The following CDH18 variants were observed in gnomAD, a reference collection of about 807,000 sequenced individuals.
CDH18 encodes the protein cadherin 18.
CDH18 carries 31 observed loss-of-function variants against 67.9 expected under a neutral mutation model. That is an observed-to-expected ratio of 0.46 (90% CI 0.34 to 0.62). The LOEUF (loss-of-function observed/expected upper bound fraction) is 0.62. Ranked by LOEUF, CDH18 falls within the 20% of genes least tolerant of loss-of-function variation. The pLI is 0.01. For missense variants in CDH18, 890 were observed against 975.5 expected, an observed-to-expected ratio of 0.91 and a Z score of 1.17; for synonymous variants, 362 against 347.2, an observed-to-expected ratio of 1.04 and a Z score of -0.48.
At chr5:19,776,485 A>C (rs1252660044) in intron 3 of CDH18, among the ~76,000 whole-genome samples, 2 of 152,186 alleles carry the variant, frequency 1.3e-5, no homozygotes, top group Non-Finnish European at 2.9e-5. Flanking sequence ...GATGGAAAGA[A>C]AGAGGGATGA....
intron 2 of CDH18, among the ~76,000 whole-genome samples, chr5:19,890,401 G>T (rs1186111146): frequency 3.9e-5 from 6 of 151,974 alleles, no homozygotes; most frequent in Admixed American, 3.3e-4. Flanking sequence ...GAGGTTCTGA[G>T]GATTAGGATG....
intron 1 of CDH18, among the ~76,000 whole-genome samples, chr5:20,567,218 C>T (rs993152621): frequency 1.3e-5 from 2 of 152,170 alleles, no homozygotes; most frequent in African/African-American, 4.8e-5. Context: ...GCCACCATCC[C>T]TAGGGCTGGG....
intron 2 of CDH18, among the ~76,000 whole-genome samples, chr5:19,969,636 T>C (rs962465234): frequency 5.8e-4 from 86 of 148,414 alleles, no homozygotes; most frequent in African/African-American, 2.0e-3. Context: ...TAGGTGGGAA[T>C]TGAACAATGA....
chr5:20,452,112 T>C (rs72746820), intron 1 of CDH18, among the ~76,000 whole-genome samples: 1,632 of 152,248 alleles, frequency 0.011, 17 homozygotes, highest in Non-Finnish European at 0.017. Context: ...TCATTTGAAA[T>C]CATTGGGGAG....
At chr5:20,290,041 G>A (rs2974592) in intron 1 of CDH18, among the ~76,000 whole-genome samples, 17,767 of 152,118 alleles carry the variant, frequency 0.12, 1,582 homozygotes, top group African/African-American at 0.24. Flanking sequence ...CACTTTAGAT[G>A]TGCTTCCTGA....
intron 7 of CDH18, among the ~76,000 whole-genome samples, chr5:19,586,152 T>C (rs1361877400): frequency 1.3e-5 from 2 of 152,182 alleles, no homozygotes; most frequent in Non-Finnish European, 2.9e-5. Flanking sequence ...CAAATATTAG[T>C]TGCTGCTACT....
chr5:19,767,981 T>G (rs1177288183), intron 3 of CDH18, among the ~76,000 whole-genome samples: 3 of 152,166 alleles, frequency 2.0e-5, no homozygotes, highest in African/African-American at 7.2e-5. Context: ...ATTTGCTCTA[T>G]TCCCCTCCCT....
chr5:20,547,607 A>G (rs976003453), intron 1 of CDH18, among the ~76,000 whole-genome samples: 1 of 152,100 alleles, frequency 6.6e-6, no homozygotes, highest in East Asian at 1.9e-4. Flanking sequence ...TTCACTGTCA[A>G]CTATGAAACT....
At chr5:19,570,862 A>G (rs1424978026) in intron 8 of CDH18, among the ~76,000 whole-genome samples, 1 of 152,160 alleles carries the variant, frequency 6.6e-6, no homozygotes, top group Non-Finnish European at 1.5e-5. Context: ...TCCTATCAAC[A>G]TATTTATGTA....
chr5:20,009,114 T>C (rs918073619), intron 2 of CDH18, among the ~76,000 whole-genome samples: 9 of 152,028 alleles, frequency 5.9e-5, no homozygotes, highest in African/African-American at 2.2e-4. Context: ...TAGAATGAAA[T>C]TTCTGGGTAT....
intron 2 of CDH18, among the ~76,000 whole-genome samples, chr5:19,845,310 T>C (rs1006947048): frequency 6.6e-5 from 10 of 152,184 alleles, no homozygotes; most frequent in Non-Finnish European, 1.5e-4. Flanking sequence ...TTTCTACATA[T>C]TTACAAATGT....
intron 5 of CDH18, among the ~76,000 whole-genome samples, chr5:19,707,371 T>C (rs1764103551): frequency 6.6e-6 from 1 of 152,188 alleles, no homozygotes; most frequent in African/African-American, 2.4e-5. Context: ...CACCATTGCC[T>C]AGAGTATTCC....
intron 2 of CDH18, among the ~76,000 whole-genome samples, chr5:20,007,854 C>T (rs1737050096): frequency 6.6e-6 from 1 of 151,862 alleles, no homozygotes; most frequent in Non-Finnish European, 1.5e-5. Context: ...TTTCAGTGTC[C>T]ATAAATAAAG....
intron 3 of CDH18, among the ~76,000 whole-genome samples, chr5:19,755,209 A>T (rs1007991281): frequency 2.0e-5 from 3 of 151,002 alleles, no homozygotes; most frequent in East Asian, 1.9e-4. Context: ...TACAAAAAAT[A>T]AAAAAATAAA....
chr5:19,983,803 G>A (rs1156256925), intron 1 of CDH18, among the ~76,000 whole-genome samples: 1 of 152,188 alleles, frequency 6.6e-6, no homozygotes, highest in African/African-American at 2.4e-5. Context: ...AGCAGTGATA[G>A]AGGTTCTTAA....
At chr5:20,213,541 A>C (rs1740522031) in intron 2 of CDH18, among the ~76,000 whole-genome samples, 1 of 151,942 alleles carries the variant, frequency 6.6e-6, no homozygotes, top group Non-Finnish European at 1.5e-5. Flanking sequence ...ACTATTACTG[A>C]TTCAATTTCA....
At chr5:20,263,856 T>G (rs776040095) in intron 1 of CDH18, among the ~76,000 whole-genome samples, 52 of 152,210 alleles carry the variant, frequency 3.4e-4, no homozygotes, top group Non-Finnish European at 6.0e-4. Flanking sequence ...GTTAGATTTT[T>G]TTAAGGTGTG....
At chr5:19,863,491 T>G (rs1392400792) in intron 2 of CDH18, among the ~76,000 whole-genome samples, 1 of 152,132 alleles carries the variant, frequency 6.6e-6, no homozygotes, top group African/African-American at 2.4e-5. Context: ...TCATTAAGCC[T>G]CCTGTCAAAT....
At chr5:20,016,167 T>C (rs1374439615) in intron 2 of CDH18, among the ~76,000 whole-genome samples, 5 of 152,096 alleles carry the variant, frequency 3.3e-5, no homozygotes, top group Admixed American at 6.6e-5. Flanking sequence ...TGGGGGAACA[T>C]GGATGGAGCT....
Sources: allele counts gnomAD v4.1 joint callset (sites outside exome capture counted in the v4.1 genomes callset), GRCh38; gene constraint gnomAD v4.1.1; transcripts MANE v1.5; gene names NCBI Gene and HGNC (gene_info 2026-07-23, HGNC 2026-07-21).